MYOM1: variants seen among roughly 807,000 people sequenced by gnomAD.
The protein encoded by MYOM1 is myomesin-1.
In MYOM1, 164 loss-of-function variants were observed where a neutral mutation model predicts 205.3. The observed-to-expected ratio is 0.80, with a 90% CI of 0.70 to 0.91. The LOEUF is 0.91. Ranked by LOEUF, MYOM1 falls within the 40% of genes least tolerant of loss-of-function variation. The pLI is 0.00. For missense variants in MYOM1, 2,011 were observed against 2,127.3 expected (o/e 0.95, Z 1.08); for synonymous variants, 772 against 789.4 (o/e 0.98, Z 0.37).
chr18:3,104,996 G>A (rs888763543), intron 22 of MYOM1, among the ~76,000 whole-genome samples: 7 of 151,990 alleles, frequency 4.6e-5, no homozygotes, highest in Non-Finnish European at 7.4e-5. Flanking sequence ...TGATCCACCC[G>A]CCTTGGCCGC....
Position 3,149,160 on chromosome 18 carries a change from C to T in MYOM1, c.1885G>A (p.Glu629Lys), listed in dbSNP as rs1221446387. 1 of 1,613,914 alleles carries T rather than the reference C, an allele frequency of 6.2e-7. No individual in the cohort carries two copies. The highest frequency in any genetic ancestry group is 1.7e-5 in the Admixed American group (1 of 60,026). The change falls in exon 13 of 38, where the codon GAA (glutamate) becomes AAA (lysine). Residue 629 changes from glutamate to lysine, a missense_variant. Coordinates refer to ENST00000356443, the MANE Select transcript of MYOM1 (RefSeq NM_003803.4). ...GACTTCTTACCTGAAGGTTCCTCTT[C>T]AGTAACAATGATCTGTCCAGTCCAG... is the stretch of plus-strand genomic sequence containing the variant. ...APWTGQIIVT[E>K]EEPSEGIVPG...
At chr18:3,142,147 T>C (rs970500592) in intron 13 of MYOM1, 84 bp from the exon 14 acceptor site, 16 of 1,481,726 alleles carry the variant, frequency 1.1e-5, no homozygotes, top group Non-Finnish European at 1.5e-5. Context: ...GCTCTCCTCC[T>C]GAGGAAGAGT....
intron 34 of MYOM1, among the ~76,000 whole-genome samples, chr18:3,077,636 A>C (rs187969592): frequency 5.9e-5 from 9 of 152,334 alleles, no homozygotes; most frequent in African/African-American, 2.2e-4. Flanking sequence ...AGGACAATCT[A>C]CAGCCTTTTC....
In MYOM1 at chr18:3,097,812, C is replaced by A. The variant is rs1043091657; in HGVS notation, c.3727+2347G>T. On this transcript the variant is annotated intron_variant, in intron 25 of 37. Coordinates refer to ENST00000356443, the MANE Select transcript of MYOM1 (RefSeq NM_003803.4). ...TTTGCTGCTACCCTCTCTCGTAGCA[C>A]CAATAATCAGAGTTCTTGGGCTTAT... Among the ~76,000 whole-genome samples, 6 of 152,168 alleles carry A rather than the reference C, an allele frequency of 3.9e-5. No individual in the cohort carries two copies. In the East Asian group the frequency reaches 1.2e-3, roughly 29 times the overall value.
chr18:3,102,498 A>G lies in MYOM1; in HGVS notation c.3551T>C (p.Leu1184Ser), dbSNP rs975606838. 1.2e-6 allele frequency: 2 copies of G among 1,612,164 alleles called. No homozygotes were observed. The highest frequency in any genetic ancestry group is 1.7e-5 in the Admixed American group (1 of 59,656). ...DYVSTEDSPR[L>S]EVESKGNKTK... Reference sequence around the variant, plus strand: ...CTTGTTGCCCTTGCTTTCGACTTCCAATCGTGGAGAGTCCTCAGTGGATAC... The same window carrying G: ...CTTGTTGCCCTTGCTTTCGACTTCCGATCGTGGAGAGTCCTCAGTGGATAC... The change falls in exon 23 of 38, where the codon TTG becomes TCG. Residue 1184 changes from leucine (L) to serine (S), a missense_variant. Leu to Ser is a moderately radical substitution (Grantham distance 145, BLOSUM62 -2). Transcript: ENST00000356443.
upstream of MYOM1, among the ~76,000 whole-genome samples, chr18:3,224,526 A>G (rs1330647469): frequency 6.6e-6 from 1 of 152,220 alleles, no homozygotes. Context: ...ACTGGCAGGT[A>G]AGTGGGATAG....
chr18:3,151,752 T>C lies in MYOM1; in HGVS notation c.1785A>G (p.Pro595=). Residue 595 remains proline (P), a synonymous_variant, in exon 12 of 38, where the codon CCA becomes CCG. Transcript: ENST00000356443. ...CAGCCACGGGCTCGGAAACTCGAGA[T>C]GGGAAACCTATTCCCATTTTATTCA... ...RAVNKMGIGF[P]SRVSEPVAAL... is the part of the protein sequence containing the mutation. The C allele has an allele frequency of 6.2e-7, 1 of 1,613,896 alleles. No homozygotes were observed. Among genetic ancestry groups the C allele is most frequent in the Non-Finnish European group, 8.5e-7 (1 of 1,179,828 alleles).
rs116743447 is a variant in MYOM1 at position 3,151,684 on chromosome 18, A to C, written c.1843+10T>G. Reference sequence around the variant, plus strand: ...TTTAGGGAAGGTCCTGAAAAATGAAAAGTGCTTACTTTTAAGTCTAGCTTT... The same window carrying C: ...TTTAGGGAAGGTCCTGAAAAATGAACAGTGCTTACTTTTAAGTCTAGCTTT... On this transcript the variant is annotated intron_variant, in intron 12 of 37. Transcript: ENST00000356443. The C allele has an allele frequency of 6.0e-4, 956 of 1,605,540 alleles. 5 individuals are homozygous for C. In the African/African-American group the frequency reaches 0.011, roughly 19 times the overall value.
chr18:3,165,150 G>A (rs2080449831), intron 9 of MYOM1, among the ~76,000 whole-genome samples: 1 of 152,142 alleles, frequency 6.6e-6, no homozygotes, highest in Non-Finnish European at 1.5e-5. Flanking sequence ...TAGAACTGAT[G>A]ACTCCAGATT....
chr18:3,110,403 T>C (rs553908451), intron 22 of MYOM1, among the ~76,000 whole-genome samples: 22 of 152,172 alleles, frequency 1.4e-4, no homozygotes, highest in African/African-American at 4.8e-4. Flanking sequence ...CCACCAGACA[T>C]TTCTTCCCCA....
chr18:3,203,850 C>A, intron 2 of MYOM1, among the ~76,000 whole-genome samples: 1 of 151,598 alleles, frequency 6.6e-6, no homozygotes, highest in African/African-American at 2.4e-5. Context: ...GACCAATATC[C>A]ATCATAGAGA....
At chr18:3,172,018 C>T (rs908045319) in intron 8 of MYOM1, among the ~76,000 whole-genome samples, 4 of 152,270 alleles carry the variant, frequency 2.6e-5, no homozygotes, top group African/African-American at 9.6e-5. Context: ...TCCTCATTGG[C>T]ATAGCGCAGA....
chr18:3,169,253 T>C (rs2080519042), intron 8 of MYOM1, among the ~76,000 whole-genome samples: 1 of 152,224 alleles, frequency 6.6e-6, no homozygotes. Context: ...AGGTTTAATG[T>C]CTTCAATGCA....
intron 18 of MYOM1, among the ~76,000 whole-genome samples, chr18:3,127,305 A>ATATATATTTTTTTTTTTTTT (rs56880961): frequency 2.1e-5 from 1 of 47,580 alleles, no homozygotes; most frequent in South Asian, 8.8e-4. Flanking sequence ...ATATATATAT[A>ATATATATTTTTTTTTTTTTT]TTTTTTTTTT....
At chr18:3,181,586 C>A (rs911389677) in intron 5 of MYOM1, among the ~76,000 whole-genome samples, 5 of 151,932 alleles carry the variant, frequency 3.3e-5, no homozygotes, top group African/African-American at 1.2e-4. Flanking sequence ...AATTTACAAA[C>A]CCTCATAATT....
chr18:3,216,733 G>A (rs945135634), intron 1 of MYOM1, among the ~76,000 whole-genome samples: 4 of 152,120 alleles, frequency 2.6e-5, no homozygotes, highest in African/African-American at 9.7e-5. Context: ...CTGTGAAAGG[G>A]CTGAGAGGCC....
At chr18:3,223,233 G>T (rs1478897366), upstream of MYOM1, among the ~76,000 whole-genome samples, 1 of 152,158 alleles carries the variant, frequency 6.6e-6, no homozygotes, top group Non-Finnish European at 1.5e-5. Flanking sequence ...TCATGCATAA[G>T]ATAATCAAAT....
At position 3,182,652 on chromosome 18, in the gene MYOM1, C is replaced by T. The variant is rs1255621880; in HGVS notation, c.929+4828G>A. Reference sequence around the variant, plus strand: ...CTCCCCCTCAGGGTCAATAGCTTTTCTTGGGTTCTTCCATATCCTTCCAGA... The same window carrying T: ...CTCCCCCTCAGGGTCAATAGCTTTTTTTGGGTTCTTCCATATCCTTCCAGA... On this transcript the variant is annotated intron_variant, in intron 5 of 37. Coordinates refer to ENST00000356443, the MANE Select transcript of MYOM1 (RefSeq NM_003803.4). Among the ~76,000 whole-genome samples, 4 of 152,136 alleles carry T rather than the reference C, an allele frequency of 2.6e-5. No individual in the cohort carries two copies. The East Asian group carries it at 7.7e-4, about 29-fold the overall frequency.
At chr18:3,237,762 CAGAAAGT>C in the MYOM1 span, among the ~76,000 whole-genome samples, 1 of 151,986 alleles carries the variant, frequency 6.6e-6, no homozygotes, top group Non-Finnish European at 1.5e-5. Flanking sequence ...GAATTCTAGA[CAGAAAGT>C]AGAATGGTGG....
Sources: gnomAD v4.1 joint callset for allele counts (sites outside exome capture counted in the v4.1 genomes callset) on GRCh38, gnomAD v4.1.1 for gene constraint, MANE v1.5 for transcripts, NCBI Gene and HGNC (gene_info 2026-07-23, HGNC 2026-07-21) for gene names.